Variants in ELP1 observed in about 807,000 individuals in gnomAD.
The protein encoded by ELP1 is elongator acetyltransferase complex subunit 1.
A neutral mutation model predicts 183.2 loss-of-function variants in ELP1; 131 were observed. The observed-to-expected ratio is 0.72, with a 90% CI of 0.62 to 0.83. The LOEUF (loss-of-function observed/expected upper bound fraction) is 0.83. ELP1 is among the 40% of genes least tolerant of loss of function. ELP1 has a pLI of 0.00. For missense variants in ELP1, 1,550 were observed against 1,594.9 expected (o/e 0.97, Z 0.48); for synonymous variants, 555 against 569.0 (o/e 0.98, Z 0.35).
chr9:108,898,170 G>A (rs1350620168), intron 22 of ELP1, among the ~76,000 whole-genome samples: 1 of 152,314 alleles, frequency 6.6e-6, no homozygotes, highest in East Asian at 1.9e-4. Flanking sequence ...TATTTTGAAA[G>A]TGTTTCATTA....
chr9:108,886,842 A>G (rs4978756), intron 29 of ELP1, among the ~76,000 whole-genome samples: 59,996 of 151,052 alleles, frequency 0.4, 13,863 homozygotes, highest in African/African-American at 0.65. Flanking sequence ...TTACAAAAAC[A>G]GGTGGCATGC....
chr9:108,913,635 T>TGC (rs1408856253), intron 10 of ELP1, among the ~76,000 whole-genome samples: 3 of 151,976 alleles, frequency 2.0e-5, no homozygotes, highest in African/African-American at 7.3e-5. Context: ...GCAATGTGTG[T>TGC]GTGTGTGTAT....
intron 29 of ELP1, 131 bp downstream of exon 29, chr9:108,889,201 C>T (rs1172776709): frequency 8.0e-6 from 7 of 880,198 alleles, no homozygotes; most frequent in Middle Eastern, 4.4e-4. Context: ...CAAGATAAGA[C>T]CTCTGGGGCA....
At chr9:108,872,826 A>AAAC in intron 36 of ELP1, among the ~76,000 whole-genome samples, 3 of 111,246 alleles carry the variant, frequency 2.7e-5, no homozygotes, top group Admixed American at 1.0e-4. Flanking sequence ...AAAAAAAAAA[A>AAAC]AAAAAAAAAA....
chr9:108,871,911 T>C (rs1827473171), intron 36 of ELP1, among the ~76,000 whole-genome samples: 1 of 152,248 alleles, frequency 6.6e-6, no homozygotes, highest in Non-Finnish European at 1.5e-5. Context: ...GACAGCTTCA[T>C]AAATTTCCTT....
In ELP1 at chr9:108,923,726, T is replaced by G. The variant is rs562794865; in HGVS notation, c.467-799A>C. On this transcript the variant is annotated intron_variant, in intron 5 of 36. Coordinates refer to ENST00000374647, the MANE Select transcript of ELP1 (RefSeq NM_003640.5). ...GGAGCCAAAAGTTAGAACACAGGTC[T>G]TCTGCCTTCCAGGCTGACTGGGGTT... Among the ~76,000 whole-genome samples, 234 of 152,308 alleles carry G rather than the reference T, an allele frequency of 1.5e-3. 2 individuals carry two copies. Among genetic ancestry groups the G allele is most frequent in the Non-Finnish European group, 7.8e-4 (53 of 68,026 alleles).
intron 6 of ELP1, among the ~76,000 whole-genome samples, chr9:108,922,541 A>G (rs1377912942): frequency 3.9e-5 from 6 of 152,258 alleles, no homozygotes; most frequent in African/African-American, 1.4e-4. Flanking sequence ...GGGGAGGGAC[A>G]TCGGGACGGG....
intron 18 of ELP1, 76 bp from the exon 19 acceptor site, chr9:108,900,451 A>G: frequency 1.0e-6 from 1 of 977,906 alleles, no homozygotes; most frequent in Non-Finnish European, 1.7e-6. Context: ...GAAACCGCAC[A>G]CATTATGTGA....
chr9:108,927,362 A>T lies in ELP1; in HGVS notation c.385+10T>A, dbSNP rs990666217. On this transcript the variant is annotated intron_variant, in intron 4 of 36. Coordinates refer to ENST00000374647, the MANE Select transcript of ELP1 (RefSeq NM_003640.5). ...TAAAAAAGCCAGTGAGGCACCAGTA[A>T]CAAGCTTACCTGTGGCAAGAAGCAC... The T allele has an allele frequency of 8.1e-6, 13 of 1,608,448 alleles. No individual in the cohort carries two copies. The highest frequency in any genetic ancestry group is 1.1e-5 in the Non-Finnish European group (13 of 1,174,884).
At chr9:108,874,831 A>C in intron 36 of ELP1, 64 bp downstream of exon 36, 1 of 1,106,258 alleles carries the variant, frequency 9.0e-7, no homozygotes, top group South Asian at 1.2e-5. Flanking sequence ...TGATCTTCTC[A>C]ATACTTACAG....
Position 108,878,688 on chromosome 9 carries a change from G to A in ELP1, c.3635C>T (p.Pro1212Leu), listed in dbSNP as rs200009363. ...CTCCAGGAGGGCCAGGTCCTCCAGC[G>A]GACTGCCTTCTTTGAGGCTGTGCTT... ...RKKHSLKEGS[P>L]LEDLALLEAL... is the part of the protein sequence containing the mutation. The change falls in exon 34 of 37, where the codon CCG becomes CTG. Residue 1212 changes from proline to leucine, a missense_variant. Transcript: ENST00000374647. 25 of 1,613,996 alleles carry A rather than the reference G, an allele frequency of 1.5e-5. No homozygotes were observed. Among genetic ancestry groups the A allele is most frequent in the African/African-American group, 5.3e-5 (4 of 74,920 alleles).
intron 9 of ELP1, among the ~76,000 whole-genome samples, chr9:108,917,280 C>A: frequency 6.6e-6 from 1 of 152,098 alleles, no homozygotes; most frequent in East Asian, 1.9e-4. Flanking sequence ...CCAGCCTGAC[C>A]AACACGGAGA....
At chr9:108,917,723 T>C (rs1829501225) in intron 8 of ELP1, 53 bp from the exon 9 acceptor site, 4 of 1,597,686 alleles carry the variant, frequency 2.5e-6, no homozygotes, top group Non-Finnish European at 2.6e-6. Context: ...AACTAAAGAA[T>C]AGATAAAATC....
chr9:108,896,349 T>C (rs2131979746), intron 25 of ELP1, 147 bp downstream of exon 25: 2 of 725,826 alleles, frequency 2.8e-6, no homozygotes, highest in East Asian at 5.4e-5. Flanking sequence ...GGCTTAGGAA[T>C]GTGGGCCCTA....
At chr9:108,882,247 C>A (rs924656000) in intron 29 of ELP1, 60 bp from the exon 30 acceptor site, 56 of 1,485,880 alleles carry the variant, frequency 3.8e-5, no homozygotes, top group Non-Finnish European at 5.0e-5. Flanking sequence ...GTCATCACAG[C>A]CAACTACAAA....
intron 29 of ELP1, among the ~76,000 whole-genome samples, chr9:108,886,879 C>G (rs976063155): frequency 6.7e-6 from 1 of 149,604 alleles, no homozygotes; most frequent in Admixed American, 6.7e-5. Context: ...TGTAGTTTGC[C>G]AACTCTGCAA....
At chr9:108,885,458 A>G (rs1385574532) in intron 29 of ELP1, among the ~76,000 whole-genome samples, 2 of 152,258 alleles carry the variant, frequency 1.3e-5, no homozygotes, top group Non-Finnish European at 2.9e-5. Context: ...TGCTCATTCC[A>G]GAAGACACAG....
intron 36 of ELP1, among the ~76,000 whole-genome samples, chr9:108,871,600 T>G (rs1827463671): frequency 6.6e-6 from 1 of 152,218 alleles, no homozygotes; most frequent in Non-Finnish European, 1.5e-5. Context: ...CTGCCTTTGC[T>G]GCTGCCTCCT....
Position 108,908,168 on chromosome 9 carries a change from G to A in ELP1, c.1460+137C>T, listed in dbSNP as rs1157571543. 33 of 705,790 alleles carry A rather than the reference G, an allele frequency of 4.7e-5. No individual in the cohort carries two copies. The Admixed American group carries it at 5.2e-4, about 11-fold the overall frequency. 43.7% of individuals were successfully genotyped at this position (705,790 alleles called of 1,614,324 possible). ...ATGACTGGCTTCTCCAATCAGATCCGAAAGTCAGGGCCTGGGTGTTGTCTT... is the reference window on the plus strand; with the variant it reads ...ATGACTGGCTTCTCCAATCAGATCCAAAAGTCAGGGCCTGGGTGTTGTCTT... On this transcript the variant is annotated intron_variant, in intron 13 of 36. Transcript: ENST00000374647.
Sources: allele counts gnomAD v4.1 joint callset (sites outside exome capture counted in the v4.1 genomes callset), GRCh38; gene constraint gnomAD v4.1.1; transcripts MANE v1.5; gene names NCBI Gene and HGNC (gene_info 2026-07-23, HGNC 2026-07-21).